Variants in MKRN2OS observed in about 807,000 individuals in gnomAD.
The protein encoded by MKRN2OS is MKRN2 opposite strand.
MKRN2OS carries 17 observed loss-of-function variants against 18.2 expected under a neutral mutation model. That is an observed-to-expected ratio of 0.93 (90% CI 0.64 to 1.40). MKRN2OS has a LOEUF of 1.40. MKRN2OS is among the 40% of genes most tolerant of loss of function. MKRN2OS has a pLI of 0.00. For missense variants in MKRN2OS, 337 were observed against 283.0 expected (o/e 1.19, Z -1.37); for synonymous variants, 121 against 108.5 (o/e 1.12, Z -0.72).
intron 3 of MKRN2OS, among the ~76,000 whole-genome samples, chr3:12,541,312 C>T (rs1022540565): frequency 1.1e-4 from 17 of 152,096 alleles, no homozygotes; most frequent in Non-Finnish European, 2.1e-4. Context: ...CAACCTCCGC[C>T]TCTTGGTTCA....
upstream of MKRN2OS, among the ~76,000 whole-genome samples, chr3:12,547,598 C>T (rs2057895900): frequency 1.3e-5 from 2 of 152,020 alleles, no homozygotes; most frequent in African/African-American, 2.4e-5. Context: ...TGTGTTTTTG[C>T]CTCATCTTGG....
chr3:12,557,104 G>A, intron 1 of MKRN2OS: 3 of 1,486,530 alleles, frequency 2.0e-6, no homozygotes, highest in Non-Finnish European at 2.7e-6. Context: ...AGGCGGCAGC[G>A]GCTGCGAGAG....
chr3:12,553,646 A>G (rs191498861), downstream of MKRN2OS: 18 of 152,290 alleles, frequency 1.2e-4, no homozygotes, highest in Non-Finnish European at 1.8e-4. Flanking sequence ...TCTCTTTAAC[A>G]TTGTTCTGAA....
At chr3:12,543,658 G>A (rs1474091197) in intron 1 of MKRN2OS, among the ~76,000 whole-genome samples, 1 of 151,982 alleles carries the variant, frequency 6.6e-6, no homozygotes, top group Admixed American at 6.6e-5. Flanking sequence ...GGCTGAGGTG[G>A]GAGGATCTTT....
At chr3:12,554,269 T>C (rs2057949843) in intron 1 of MKRN2OS, 1 of 152,012 alleles carries the variant, frequency 6.6e-6, no homozygotes, top group East Asian at 1.9e-4. Context: ...GAGTTCCACG[T>C]CCCGGGTGGG....
chr3:12,554,687 C>T (rs1235665405), intron 1 of MKRN2OS, among the ~76,000 whole-genome samples: 2 of 151,890 alleles, frequency 1.3e-5, no homozygotes, highest in African/African-American at 2.4e-5. Context: ...GGAAGAGGCT[C>T]TATGTACTGA....
At chr3:12,559,404 G>A (rs2058016561) in intron 1 of MKRN2OS, among the ~76,000 whole-genome samples, 1 of 152,096 alleles carries the variant, frequency 6.6e-6, no homozygotes, top group African/African-American at 2.4e-5. Context: ...CCAGATCTAA[G>A]CAGCGTGTGC....
At position 12,543,195 on chromosome 3, in the gene MKRN2OS, T is replaced by C. The variant is rs1205470727; in HGVS notation, c.253A>G (p.Ile85Val). Residue 85 changes from isoleucine (I) to valine (V), a missense_variant, in exon 2 of 4, where the codon ATA (isoleucine) becomes GTA (valine). Coordinates refer to ENST00000564146, the MANE Select transcript of MKRN2OS (RefSeq NM_001195279.2). Reference sequence around the variant, plus strand: ...CTGCACTTACCATTTGTGTTAGTTATTCCAACATGAAGATCAGACCTTCCA... The same window carrying C: ...CTGCACTTACCATTTGTGTTAGTTACTCCAACATGAAGATCAGACCTTCCA... The part of the protein sequence containing the change: ...YDGRSDLHVG[I>V]TNTNGVVYNY... The C allele has an allele frequency of 3.3e-6, 5 of 1,536,048 alleles. No individual in the cohort carries two copies. Among genetic ancestry groups the C allele is most frequent in the African/African-American group, 1.4e-5 (1 of 73,176 alleles).
At chr3:12,555,494 G>C (rs1405626410) in intron 1 of MKRN2OS, among the ~76,000 whole-genome samples, 1 of 151,998 alleles carries the variant, frequency 6.6e-6, no homozygotes, top group African/African-American at 2.4e-5. Flanking sequence ...TCATTCATTG[G>C]AAGACTCAAT....
chr3:12,558,879 T>C (rs1019585519), intron 1 of MKRN2OS, among the ~76,000 whole-genome samples: 1 of 152,196 alleles, frequency 6.6e-6, no homozygotes, highest in Non-Finnish European at 1.5e-5. Flanking sequence ...GGTACTGTAG[T>C]GTATAATCCA....
At position 12,545,376 on chromosome 3, in the gene MKRN2OS, G is replaced by T. The variant is rs1359404873; in HGVS notation, c.89C>A (p.Pro30His). 1.4e-5 allele frequency: 21 copies of T among 1,535,866 alleles called. No individual in the cohort carries two copies. The highest frequency in any genetic ancestry group is 1.7e-5 in the Non-Finnish European group (20 of 1,146,844). Residue 30 changes from proline (P) to histidine (H), a missense_variant, in exon 1 of 4, where the codon CCT (proline) becomes CAT (histidine). Coordinates refer to ENST00000564146, the MANE Select transcript of MKRN2OS (RefSeq NM_001195279.2). ...CGAGCCCAGGTCCTGCTGGCAGAGAGGGCAGCACTGGGGCACACTGAAGCT... is the reference window on the plus strand; with the variant it reads ...CGAGCCCAGGTCCTGCTGGCAGAGATGGCAGCACTGGGGCACACTGAAGCT... The part of the protein sequence containing the change: ...IYSFSVPQCC[P>H]LCQQDLGSRK...
chr3:12,540,314 G>T lies in MKRN2OS; in HGVS notation c.551C>A (p.Pro184Gln). The change falls in exon 4 of 4, where the codon CCG becomes CAG. Residue 184 changes from proline to glutamine, a missense_variant. By Grantham distance (76) the Pro-to-Gln change is moderately conservative. Coordinates refer to ENST00000564146, the MANE Select transcript of MKRN2OS (RefSeq NM_001195279.2). ...GAACTTGGATGCCAGCCTTGTCCGC[G>T]GGACCACGTACTTCTCCGTAAATTC... is the stretch of plus-strand genomic sequence containing the variant. ...KGEFTEKYVV[P>Q]RTRLASKFIT... 1.3e-6 allele frequency: 2 copies of T among 1,536,044 alleles called. No individual in the cohort carries two copies. Among genetic ancestry groups the T allele is most frequent in the East Asian group, 4.9e-5 (2 of 40,922 alleles).
Position 12,540,177 on chromosome 3 carries a change from T to C in MKRN2OS, c.*16A>G. 1 of 1,536,120 alleles carries C rather than the reference T, an allele frequency of 6.5e-7. No homozygotes were observed. Among genetic ancestry groups the C allele is most frequent in the South Asian group, 1.2e-5 (1 of 84,064 alleles). On this transcript the variant is annotated 3_prime_UTR_variant, in exon 4 of 4. Coordinates refer to ENST00000564146, the MANE Select transcript of MKRN2OS (RefSeq NM_001195279.2). Reference sequence around the variant, plus strand: ...CCACCCTACCCTCCAGCGTCCAGGCTGCGCTTACATAGCTCTCAGCACAAA... The same window carrying C: ...CCACCCTACCCTCCAGCGTCCAGGCCGCGCTTACATAGCTCTCAGCACAAA...
chr3:12,543,147 T>C, intron 2 of MKRN2OS, 33 bp downstream of exon 2: 1 of 1,513,866 alleles, frequency 6.6e-7, no homozygotes, highest in Non-Finnish European at 8.9e-7. Context: ...TGCTGGGTAG[T>C]AGGGGTTTTT....
At chr3:12,558,440 T>C (rs1388812098) in intron 1 of MKRN2OS, among the ~76,000 whole-genome samples, 1 of 152,176 alleles carries the variant, frequency 6.6e-6, no homozygotes, top group Admixed American at 6.5e-5. Context: ...GCTTGTAGCC[T>C]CCTAGAAAAA....
upstream of MKRN2OS, among the ~76,000 whole-genome samples, chr3:12,545,842 T>C (rs188749615): frequency 3.9e-4 from 60 of 152,326 alleles, 1 homozygote; most frequent in African/African-American, 8.2e-4. Context: ...GGTCTCACTC[T>C]GTCACCCAAG....
At chr3:12,540,912 G>A (rs1270194555) in intron 3 of MKRN2OS, among the ~76,000 whole-genome samples, 1 of 150,258 alleles carries the variant, frequency 6.7e-6, no homozygotes, top group Non-Finnish European at 1.5e-5. Flanking sequence ...AATTCTGGGG[G>A]ATGCTTGGTC....
At chr3:12,559,674 T>TA (rs1425365455) in intron 1 of MKRN2OS, among the ~76,000 whole-genome samples, 8 of 152,214 alleles carry the variant, frequency 5.3e-5, no homozygotes, top group African/African-American at 1.4e-4. Context: ...CTCGTACAGT[T>TA]ATGCTGTCAG....
upstream of MKRN2OS, among the ~76,000 whole-genome samples, chr3:12,547,880 A>T (rs2057898228): frequency 1.3e-5 from 2 of 152,262 alleles, no homozygotes; most frequent in Admixed American, 1.3e-4. Flanking sequence ...GAGAATGATC[A>T]TCAGACTCAC....
Sources: gnomAD v4.1 joint callset for allele counts (sites outside exome capture counted in the v4.1 genomes callset) on GRCh38, gnomAD v4.1.1 for gene constraint, MANE v1.5 for transcripts, NCBI Gene and HGNC (gene_info 2026-07-23, HGNC 2026-07-21) for gene names.